The following PSMD14 variants were observed in gnomAD, a reference collection of about 807,000 sequenced individuals.
PSMD14 encodes the protein ubiquitin C-terminal hydrolase PSMD14.
PSMD14 carries 7 observed loss-of-function variants against 41.2 expected under a neutral mutation model. The ratio of observed to expected loss-of-function variants is 0.17; its 90% CI spans 0.10 to 0.32. The LOEUF is 0.32. PSMD14 is among the 10% of genes least tolerant of loss of function. The pLI, the probability that PSMD14 is intolerant of heterozygous loss-of-function variation, is 1.00. For synonymous variants in PSMD14, 114 were observed against 122.3 expected (o/e 0.93, Z 0.45); for missense variants, 139 against 375.6 (o/e 0.37, Z 5.21).
intron 10 of PSMD14, chr2:161,408,300 C>CT (rs1683980951): frequency 6.5e-6 from 1 of 152,988 alleles, no homozygotes; most frequent in Admixed American, 6.5e-5. Context: ...TGTGAAATTA[C>CT]TAAGAGAGAA....
rs1682598540 is a variant in PSMD14 at position 161,321,548 on chromosome 2, C to G, written c.48+2675C>G. Among the ~76,000 whole-genome samples the G allele has an allele frequency of 2.0e-5, 3 of 152,100 alleles. No individual in the cohort carries two copies. In the South Asian group the frequency reaches 6.2e-4, roughly 31 times the overall value. ...TGTCAGACTCTGCAAGTTAAAGGCT[C>G]ACTTCTCCACAGAACTACCCTTACT... On this transcript the variant is annotated intron_variant, in intron 3 of 11. Coordinates refer to ENST00000409682, the MANE Select transcript of PSMD14 (RefSeq NM_005805.6).
chr2:161,365,250 T>G (rs1299203236), intron 3 of PSMD14, among the ~76,000 whole-genome samples: 1 of 152,258 alleles, frequency 6.6e-6, no homozygotes, highest in African/African-American at 2.4e-5. Context: ...GAAAGGCCAC[T>G]GACATGTGGC....
intron 11 of PSMD14, among the ~76,000 whole-genome samples, chr2:161,409,197 T>G (rs1683993687): frequency 6.6e-6 from 1 of 152,044 alleles, no homozygotes; most frequent in South Asian, 2.1e-4. Context: ...TACAGATAAA[T>G]AAGATAATAG....
chr2:161,317,581 C>T (rs953338248), intron 2 of PSMD14, among the ~76,000 whole-genome samples: 1 of 152,020 alleles, frequency 6.6e-6, no homozygotes, highest in African/African-American at 2.4e-5. Flanking sequence ...ATGGCCATAT[C>T]GTTTGTTTTC....
At chr2:161,353,727 C>T (rs1274609263) in intron 3 of PSMD14, among the ~76,000 whole-genome samples, 5 of 152,158 alleles carry the variant, frequency 3.3e-5, no homozygotes, top group African/African-American at 1.2e-4. Flanking sequence ...TTCTTCCCTG[C>T]CTTCTACTTT....
At chr2:161,407,463 C>A (rs992941914) in intron 10 of PSMD14, 4 of 152,052 alleles carry the variant, frequency 2.6e-5, no homozygotes, top group Non-Finnish European at 5.9e-5. Context: ...TACCTATTCA[C>A]TATCTTTTCT....
At chr2:161,311,546 A>T (rs914972887) in intron 1 of PSMD14, among the ~76,000 whole-genome samples, 1 of 151,822 alleles carries the variant, frequency 6.6e-6, no homozygotes, top group Non-Finnish European at 1.5e-5. Context: ...CCTGGAACCA[A>T]TTCCCCACAG....
chr2:161,325,783 AAT>A (rs1682686303), intron 3 of PSMD14, among the ~76,000 whole-genome samples: 1 of 152,232 alleles, frequency 6.6e-6, no homozygotes, highest in African/African-American at 2.4e-5. Context: ...CTGAAGTAGT[AAT>A]ATATTGTTGC....
intron 7 of PSMD14, among the ~76,000 whole-genome samples, chr2:161,376,647 T>C (rs1292365920): frequency 2.0e-5 from 3 of 151,972 alleles, no homozygotes; most frequent in African/African-American, 4.8e-5. Flanking sequence ...GATATTTTCC[T>C]TGGGCATGCT....
At position 161,369,202 on chromosome 2, in the gene PSMD14, A is replaced by C. The variant is rs1291759364; in HGVS notation, c.241-905A>C. ...CTTTAATATCATTACTTCCATGTAA[A>C]TGCTTGTTTGACAATATAAAATAAA... is the stretch of plus-strand genomic sequence containing the variant. On this transcript the variant is annotated intron_variant, in intron 5 of 11. Transcript: ENST00000409682. Among the ~76,000 whole-genome samples, 3 of 151,974 alleles carry C rather than the reference A, an allele frequency of 2.0e-5. No homozygotes were observed. In the East Asian group the frequency reaches 5.8e-4, roughly 29 times the overall value.
chr2:161,393,255 G>A (rs1339987770), intron 9 of PSMD14, among the ~76,000 whole-genome samples: 1 of 152,152 alleles, frequency 6.6e-6, no homozygotes, highest in Non-Finnish European at 1.5e-5. Context: ...TTAATTATAG[G>A]TAGCTGTATA....
chr2:161,345,004 T>A lies in PSMD14; in HGVS notation c.49-22474T>A, dbSNP rs147373813. ...GATCTACTCTTGTTTGCTTCAAGAG[T>A]TTTATTGTTTTATCTCTTATATTGA... is the stretch of plus-strand genomic sequence containing the variant. On this transcript the variant is annotated intron_variant, in intron 3 of 11. Coordinates refer to ENST00000409682, the MANE Select transcript of PSMD14 (RefSeq NM_005805.6). Among the ~76,000 whole-genome samples, 8 of 152,136 alleles carry A rather than the reference T, an allele frequency of 5.3e-5. No individual in the cohort carries two copies. In the East Asian group the frequency reaches 1.5e-3, roughly 29 times the overall value.
chr2:161,336,622 C>T (rs1250061138), intron 3 of PSMD14, among the ~76,000 whole-genome samples: 2 of 152,146 alleles, frequency 1.3e-5, no homozygotes, highest in Non-Finnish European at 2.9e-5. Flanking sequence ...GTTGCCCAGA[C>T]TGGAGTGCAG....
intron 3 of PSMD14, among the ~76,000 whole-genome samples, chr2:161,326,384 A>AAACAAC (rs534526085): frequency 2.3e-4 from 35 of 152,156 alleles, no homozygotes; most frequent in Non-Finnish European, 4.4e-4. Flanking sequence ...TATCCAAATT[A>AAACAAC]AACAACAACA....
At chr2:161,338,283 C>T (rs138919923) in intron 3 of PSMD14, among the ~76,000 whole-genome samples, 224 of 150,634 alleles carry the variant, frequency 1.5e-3, no homozygotes, top group Non-Finnish European at 2.4e-3. Context: ...TGCACATGTG[C>T]GTGAGCATGT....
At chr2:161,377,012 T>G (rs1683511532) in intron 7 of PSMD14, among the ~76,000 whole-genome samples, 2 of 151,902 alleles carry the variant, frequency 1.3e-5, no homozygotes, top group South Asian at 4.1e-4. Flanking sequence ...GAACGTGTGA[T>G]TGACAAGGTC....
intron 3 of PSMD14, among the ~76,000 whole-genome samples, chr2:161,329,154 G>A (rs1377561490): frequency 9.9e-5 from 15 of 152,028 alleles, no homozygotes; most frequent in Admixed American, 9.8e-4. Context: ...AAGGAGTTAT[G>A]CTTATCAGAC....
At chr2:161,313,005 T>TAA (rs1689107547) in intron 1 of PSMD14, among the ~76,000 whole-genome samples, 4 of 152,252 alleles carry the variant, frequency 2.6e-5, no homozygotes, top group African/African-American at 9.6e-5. Context: ...GCTTACTATA[T>TAA]GATAAGCATT....
At chr2:161,360,593 G>A (rs1030427136) in intron 3 of PSMD14, among the ~76,000 whole-genome samples, 4 of 152,096 alleles carry the variant, frequency 2.6e-5, no homozygotes, top group African/African-American at 7.2e-5. Context: ...GACCTCAGGT[G>A]ATCCGCTTGC....
Sources: gnomAD v4.1 joint callset for allele counts (sites outside exome capture counted in the v4.1 genomes callset) on GRCh38, gnomAD v4.1.1 for gene constraint, MANE v1.5 for transcripts, NCBI Gene and HGNC (gene_info 2026-07-23, HGNC 2026-07-21) for gene names.